The following PLCL1 variants were observed in gnomAD, a reference collection of about 807,000 sequenced individuals.
The protein encoded by PLCL1 is phospholipase C like 1 (inactive), also known as inactive phospholipase C-like protein 1.
Under a neutral mutation model 84.4 loss-of-function variants are expected in PLCL1, and 41 were observed. The ratio of observed to expected loss-of-function variants is 0.49; its 90% confidence interval spans 0.38 to 0.63. The LOEUF (loss-of-function observed/expected upper bound fraction) is 0.63. Among genes scored for constraint, PLCL1 ranks in the 30% least tolerant of loss-of-function variants. The pLI is 0.00. For synonymous variants in PLCL1, 490 were observed against 488.3 expected (o/e 1.00, Z -0.05); for missense variants, 1,206 against 1,367.8 (o/e 0.88, Z 1.87).
At chr2:197,979,054 T>G (rs1241547275) in intron 1 of PLCL1, among the ~76,000 whole-genome samples, 1 of 152,216 alleles carries the variant, frequency 6.6e-6, no homozygotes, top group Non-Finnish European at 1.5e-5. Context: ...TCCACTAATA[T>G]CATTTGAACA....
chr2:197,836,681 A>G (rs890283582), intron 1 of PLCL1, among the ~76,000 whole-genome samples: 3 of 152,296 alleles, frequency 2.0e-5, no homozygotes, highest in East Asian at 1.9e-4. Context: ...GTTAAGTTAC[A>G]TATTTTACTA....
chr2:197,848,220 C>G (rs532266778), intron 1 of PLCL1, among the ~76,000 whole-genome samples: 4 of 152,024 alleles, frequency 2.6e-5, no homozygotes, highest in Non-Finnish European at 5.9e-5. Flanking sequence ...TTTGGGAGCA[C>G]CCACACTTCT....
intron 5 of PLCL1, among the ~76,000 whole-genome samples, chr2:198,117,691 T>C (rs1693776876): frequency 6.6e-6 from 1 of 151,928 alleles, no homozygotes; most frequent in Non-Finnish European, 1.5e-5. Flanking sequence ...TATCTAAGAC[T>C]GCTAAAAAAC....
At chr2:198,013,818 G>A (rs1447729476) in intron 1 of PLCL1, among the ~76,000 whole-genome samples, 2 of 152,112 alleles carry the variant, frequency 1.3e-5, no homozygotes, top group Non-Finnish European at 2.9e-5. Context: ...TATTTTGTGT[G>A]AACATTAAAC....
chr2:198,052,534 A>T (rs1328658142), intron 1 of PLCL1, among the ~76,000 whole-genome samples: 1 of 152,176 alleles, frequency 6.6e-6, no homozygotes, highest in Non-Finnish European at 1.5e-5. Flanking sequence ...TGAAAAAAAA[A>T]AAAACCATTA....
chr2:197,976,311 G>T (rs1033344093), intron 1 of PLCL1, among the ~76,000 whole-genome samples: 1 of 152,156 alleles, frequency 6.6e-6, no homozygotes, highest in African/African-American at 2.4e-5. Flanking sequence ...CAACCTAGAA[G>T]AGTCCACTTT....
At chr2:197,929,877 A>G (rs1228616544) in intron 1 of PLCL1, among the ~76,000 whole-genome samples, 1 of 152,224 alleles carries the variant, frequency 6.6e-6, no homozygotes, top group Admixed American at 6.6e-5. Context: ...AGAGAAAAAG[A>G]AAACAAAAAT....
At chr2:197,944,837 G>A (rs977602918) in intron 1 of PLCL1, among the ~76,000 whole-genome samples, 4 of 152,106 alleles carry the variant, frequency 2.6e-5, no homozygotes, top group East Asian at 1.9e-4. Flanking sequence ...TCTTCTCTCT[G>A]CTGTTTCCTC....
At chr2:198,052,926 T>C (rs1357384958) in intron 1 of PLCL1, among the ~76,000 whole-genome samples, 2 of 152,206 alleles carry the variant, frequency 1.3e-5, no homozygotes, top group Non-Finnish European at 2.9e-5. Context: ...CTCTGCTTAT[T>C]ATATAAAAGT....
chr2:197,970,105 G>T (rs903743137), intron 1 of PLCL1, among the ~76,000 whole-genome samples: 2 of 152,148 alleles, frequency 1.3e-5, no homozygotes, highest in Non-Finnish European at 2.9e-5. Flanking sequence ...GAATACTCAA[G>T]ACCGAGTAAT....
At chr2:197,829,333 C>A (rs377112844) in intron 1 of PLCL1, among the ~76,000 whole-genome samples, 1 of 152,116 alleles carries the variant, frequency 6.6e-6, no homozygotes, top group Admixed American at 6.5e-5. Context: ...GAAGCTAGTA[C>A]GTGAACTTAG....
At chr2:198,141,742 C>T (rs1694392693) in intron 5 of PLCL1, among the ~76,000 whole-genome samples, 1 of 152,158 alleles carries the variant, frequency 6.6e-6, no homozygotes, top group Non-Finnish European at 1.5e-5. Context: ...TACTGCAGCA[C>T]TGTCCAAGGG....
rs1418465505 is a variant in PLCL1 at position 197,908,766 on chromosome 2, A to G, written c.240+103427A>G. Among the ~76,000 whole-genome samples, 3 of 152,310 alleles carry G rather than the reference A, an allele frequency of 2.0e-5. No individual in the cohort carries two copies. In the East Asian group the frequency reaches 5.8e-4, roughly 29 times the overall value. On this transcript the variant is annotated intron_variant, in intron 1 of 5. Transcript: ENST00000428675. ...ATATTTGCAGTATAGAAGAGGTGATATTGTCTGAAATAATGCTCTTCTTTT... is the reference window on the plus strand; with the variant it reads ...ATATTTGCAGTATAGAAGAGGTGATGTTGTCTGAAATAATGCTCTTCTTTT...
rs116130528 is a variant in PLCL1, at chr2:198,129,764, C to T, written c.3106-17016C>T. Among the ~76,000 whole-genome samples the T allele has an allele frequency of 9.6e-3, 1,459 of 152,210 alleles. 24 individuals carry two copies. The highest frequency in any genetic ancestry group is 0.033 in the African/African-American group (1,354 of 41,530). On this transcript the variant is annotated intron_variant, in intron 5 of 5. Coordinates refer to ENST00000428675, the MANE Select transcript of PLCL1 (RefSeq NM_006226.4). ...CTTCCTCTTTCTATCTCCTCGCCTA[C>T]ATAGTCAAACTTCTTAACAGGGTTG...
chr2:197,846,476 G>T (rs1407443721), intron 1 of PLCL1, among the ~76,000 whole-genome samples: 1 of 152,042 alleles, frequency 6.6e-6, no homozygotes, highest in Non-Finnish European at 1.5e-5. Flanking sequence ...CAAATCACCA[G>T]GAAAATATAT....
At chr2:197,991,125 G>C (rs936545456) in intron 1 of PLCL1, among the ~76,000 whole-genome samples, 1 of 152,040 alleles carries the variant, frequency 6.6e-6, no homozygotes, top group Non-Finnish European at 1.5e-5. Flanking sequence ...TGGTGAAGTC[G>C]GGCATCATCC....
intron 1 of PLCL1, among the ~76,000 whole-genome samples, chr2:197,987,145 T>C (rs1690235573): frequency 6.6e-6 from 1 of 152,192 alleles, no homozygotes; most frequent in African/African-American, 2.4e-5. Context: ...GGAGAGAACA[T>C]AGAGACCTTT....
intron 5 of PLCL1, among the ~76,000 whole-genome samples, chr2:198,120,098 GT>G (rs1358839107): frequency 6.6e-6 from 1 of 151,884 alleles, no homozygotes; most frequent in Non-Finnish European, 1.5e-5. Flanking sequence ...TGGCAGCTCC[GT>G]TTTCTCATGG....
intron 1 of PLCL1, among the ~76,000 whole-genome samples, chr2:198,039,046 T>C (rs1005085444): frequency 5.3e-5 from 8 of 152,168 alleles, no homozygotes; most frequent in Non-Finnish European, 7.4e-5. Flanking sequence ...GGTAATTGAA[T>C]GACTGCTTAA....
Sources: allele counts gnomAD v4.1 joint callset (sites outside exome capture counted in the v4.1 genomes callset), GRCh38; gene constraint gnomAD v4.1.1; transcripts MANE v1.5; gene names NCBI Gene and HGNC (gene_info 2026-07-23, HGNC 2026-07-21).